Variants in DLGAP2 observed in about 807,000 individuals in gnomAD.
DLGAP2 encodes the protein disks large-associated protein 2.
A neutral mutation model predicts 100.3 loss-of-function variants in DLGAP2; 26 were observed. That is an observed-to-expected ratio of 0.26 (90% CI 0.19 to 0.36). DLGAP2 has a LOEUF of 0.36. Ranked by LOEUF, DLGAP2 falls within the 10% of genes least tolerant of loss-of-function variation. The probability of loss-of-function intolerance (pLI) is 1.00; values close to 1 mark genes in which losing one functional copy is unlikely to be tolerated. For missense variants in DLGAP2, 1,858 were observed against 1,453.2 expected, an observed-to-expected ratio of 1.28 and a Z score of -4.53; for synonymous variants, 886 against 630.1, an observed-to-expected ratio of 1.41 and a Z score of -6.08.
At chr8:1,478,188 G>A (rs1798988099) in intron 3 of DLGAP2, among the ~76,000 whole-genome samples, 1 of 152,220 alleles carries the variant, frequency 6.6e-6, no homozygotes. Flanking sequence ...TCTTACCCAT[G>A]AGCCTGTAGC....
rs368333939 is a variant in DLGAP2 at position 1,694,465 on chromosome 8, G to T, written c.2797-2682G>T. On this transcript the variant is annotated intron_variant, in intron 13 of 14. Transcript: ENST00000637795. ...AGCCTTTCGGGACGGACCGCGGGGG[G>T]CAGAGCCTCTCAGGGTCGGGATGTG... 6.6e-5 allele frequency among the ~76,000 whole-genome samples: 10 copies of T among 152,344 alleles called. No homozygotes were observed. In the East Asian group the frequency reaches 1.7e-3, roughly 26 times the overall value.
chr8:1,485,489 C>G (rs1799213526), intron 3 of DLGAP2, among the ~76,000 whole-genome samples: 1 of 152,254 alleles, frequency 6.6e-6, no homozygotes, highest in South Asian at 2.1e-4. Context: ...AATGGACTCG[C>G]TGGATGCAGA....
chr8:1,282,218 C>T (rs1490108467), intron 3 of DLGAP2, among the ~76,000 whole-genome samples: 2 of 121,244 alleles, frequency 1.6e-5, no homozygotes, highest in African/African-American at 5.3e-5. Context: ...GACCTGAACC[C>T]AGCCCCCTGA....
intron 4 of DLGAP2, among the ~76,000 whole-genome samples, chr8:1,506,630 A>C (rs752418039): frequency 1.3e-5 from 2 of 152,226 alleles, no homozygotes. Context: ...CGGCTCAGGC[A>C]GACTGCTTTT....
chr8:944,348 A>C (rs953475407), intron 2 of DLGAP2, among the ~76,000 whole-genome samples: 1 of 151,826 alleles, frequency 6.6e-6, no homozygotes, highest in South Asian at 2.1e-4. Flanking sequence ...AGTGGGTGAT[A>C]ACTAATCCCT....
intron 3 of DLGAP2, among the ~76,000 whole-genome samples, chr8:1,371,102 C>G (rs568530056): frequency 4.6e-5 from 7 of 152,226 alleles, no homozygotes; most frequent in Admixed American, 6.5e-5. Context: ...TATAAACCAT[C>G]CTGCATGTTT....
At chr8:1,276,156 G>A (rs183045192) in intron 3 of DLGAP2, among the ~76,000 whole-genome samples, 6 of 146,024 alleles carry the variant, frequency 4.1e-5, no homozygotes, top group South Asian at 2.1e-4. Flanking sequence ...ATCCTGCCAC[G>A]GAGAGACTCA....
chr8:1,263,744 T>G (rs11775115), intron 3 of DLGAP2, among the ~76,000 whole-genome samples: 27,606 of 152,140 alleles, frequency 0.18, 2,796 homozygotes, highest in Middle Eastern at 0.35. Context: ...AGCTTAGAAA[T>G]AACCCCAGCC....
At chr8:1,161,894 G>C (rs1485036521) in intron 2 of DLGAP2, among the ~76,000 whole-genome samples, 1 of 152,254 alleles carries the variant, frequency 6.6e-6, no homozygotes, top group African/African-American at 2.4e-5. Context: ...CGAAGGAGAC[G>C]TGGTTCCCAC....
At chr8:1,235,304 GGCATCGTGTCTAGTTCTCTCTCACA>G (rs1460598510) in intron 2 of DLGAP2, among the ~76,000 whole-genome samples, 3 of 144,846 alleles carry the variant, frequency 2.1e-5, no homozygotes, top group Non-Finnish European at 4.5e-5. Flanking sequence ...CCTCACACAT[GGCATCGTGTCTAGTTCTCTCTCACA>G]TGGCGCCGTG....
intron 6 of DLGAP2, among the ~76,000 whole-genome samples, chr8:1,626,025 C>G (rs113534811): frequency 1.0e-5 from 1 of 97,408 alleles, no homozygotes; most frequent in Non-Finnish European, 1.9e-5. Flanking sequence ...TACCCTGTGG[C>G]GGGTGCTCAG....
intron 3 of DLGAP2, among the ~76,000 whole-genome samples, chr8:1,432,127 T>G (rs1256143558): frequency 6.6e-6 from 1 of 152,232 alleles, no homozygotes; most frequent in Non-Finnish European, 1.5e-5. Context: ...CTCTGGCGTT[T>G]GATCATTCGG....
intron 2 of DLGAP2, among the ~76,000 whole-genome samples, chr8:1,010,126 T>A (rs569125063): frequency 1.3e-5 from 2 of 152,318 alleles, no homozygotes; most frequent in South Asian, 4.1e-4. Flanking sequence ...TCTTAATTAA[T>A]CACAAGCTAC....
At chr8:1,011,263 G>T (rs1477276236) in intron 2 of DLGAP2, among the ~76,000 whole-genome samples, 1 of 150,378 alleles carries the variant, frequency 6.6e-6, no homozygotes, top group African/African-American at 2.5e-5. Flanking sequence ...CTAGAATGAG[G>T]AGTCTCAGTC....
At chr8:1,207,231 C>T (rs1467980610) in intron 2 of DLGAP2, among the ~76,000 whole-genome samples, 2 of 152,188 alleles carry the variant, frequency 1.3e-5, no homozygotes, top group Non-Finnish European at 1.5e-5. Flanking sequence ...TCCTCCACCC[C>T]TTCCCATCCT....
intron 6 of DLGAP2, among the ~76,000 whole-genome samples, chr8:1,607,830 A>G (rs1333228868): frequency 9.4e-5 from 14 of 149,250 alleles, no homozygotes; most frequent in South Asian, 4.3e-4. Context: ...CGCTTTTCAG[A>G]CCGGCTTAAA....
intron 4 of DLGAP2, among the ~76,000 whole-genome samples, chr8:1,537,984 G>A (rs920104552): frequency 3.9e-5 from 6 of 152,022 alleles, no homozygotes; most frequent in African/African-American, 9.7e-5. Context: ...AAGATACTGC[G>A]GGGGGAACAG....
At chr8:1,178,920 G>GA (rs1323840758) in intron 2 of DLGAP2, among the ~76,000 whole-genome samples, 2 of 152,144 alleles carry the variant, frequency 1.3e-5, no homozygotes, top group African/African-American at 2.4e-5. Context: ...CCTTCAGCCT[G>GA]GGCACACCGG....
At chr8:1,028,868 G>A (rs542269027) in intron 2 of DLGAP2, among the ~76,000 whole-genome samples, 1 of 152,348 alleles carries the variant, frequency 6.6e-6, no homozygotes, top group South Asian at 2.1e-4. Flanking sequence ...AGTCTGGAGG[G>A]AGGACAATGG....
Sources: gnomAD v4.1 joint callset for allele counts (sites outside exome capture counted in the v4.1 genomes callset) on GRCh38, gnomAD v4.1.1 for gene constraint, MANE v1.5 for transcripts, NCBI Gene and HGNC (gene_info 2026-07-23, HGNC 2026-07-21) for gene names.